NEK11: variants seen among roughly 807,000 people sequenced by gnomAD.
The protein encoded by NEK11 is NIMA related kinase 11.
A neutral mutation model predicts 80.7 loss-of-function variants in NEK11; 72 were observed. The observed-to-expected ratio is 0.89, with a 90% CI of 0.74 to 1.08. NEK11 has a LOEUF of 1.08. Among genes scored for constraint, NEK11 ranks in the 50% least tolerant of loss-of-function variants. The pLI is 0.00. For missense variants in NEK11, 764 were observed against 763.6 expected, an observed-to-expected ratio of 1.00 and a Z score of -0.01; for synonymous variants, 251 against 260.7, an observed-to-expected ratio of 0.96 and a Z score of 0.36.
rs997800586 is a variant in NEK11 at position 131,118,564 on chromosome 3, T to C, written c.455+8643T>C. The stretch of plus-strand genomic sequence containing the variant: ...AAGGAATGATACCAATTCATGTTTG[T>C]ACCTCTGGTAGAATTCGGCTGTGAA... On this transcript the variant is annotated intron_variant, in intron 5 of 17. Transcript: ENST00000383366. Among the ~76,000 whole-genome samples the C allele has an allele frequency of 5.3e-5, 8 of 152,358 alleles. No individual in the cohort carries two copies. The East Asian group carries it at 1.5e-3, about 29-fold the overall frequency.
At chr3:131,139,976 G>A (rs1198914452) in intron 7 of NEK11, among the ~76,000 whole-genome samples, 1 of 152,116 alleles carries the variant, frequency 6.6e-6, no homozygotes, top group African/African-American at 2.4e-5. Context: ...GGAGCATAAG[G>A]TAAAATGTCC....
At chr3:131,298,826 G>A (rs1309715494) in intron 17 of NEK11, among the ~76,000 whole-genome samples, 1 of 150,514 alleles carries the variant, frequency 6.6e-6, no homozygotes, top group East Asian at 1.9e-4. Flanking sequence ...AGGCATTATT[G>A]TTTTAAATAT....
chr3:131,321,649 C>T (rs1334234840), intron 17 of NEK11, among the ~76,000 whole-genome samples: 1 of 151,758 alleles, frequency 6.6e-6, no homozygotes, highest in East Asian at 1.9e-4. Flanking sequence ...AATAATTAAG[C>T]AAAAAACCAA....
Position 131,170,852 on chromosome 3 carries a change from T to C in NEK11, c.1364T>C (p.Ile455Thr), listed in dbSNP as rs1218246960. ...ATGGACCTCCACGAACTTGAATCAA[T>C]TGTAGAGGATGCCACATCTGACCTT... is the stretch of plus-strand genomic sequence containing the variant. ...PSMDLHELES[I>T]VEDATSDLGY... The change falls in exon 14 of 18, where the codon ATT becomes ACT. Residue 455 changes from isoleucine to threonine, a missense_variant. Ile to Thr is a moderately conservative substitution (Grantham distance 89, BLOSUM62 -1). Transcript: ENST00000383366. The C allele has an allele frequency of 2.5e-6, 4 of 1,613,876 alleles. No individual in the cohort carries two copies. Among genetic ancestry groups the C allele is most frequent in the Non-Finnish European group, 2.5e-6 (3 of 1,179,782 alleles).
At chr3:131,292,860 C>T (rs964093501) in intron 17 of NEK11, among the ~76,000 whole-genome samples, 24 of 151,898 alleles carry the variant, frequency 1.6e-4, no homozygotes, top group African/African-American at 4.6e-4. Flanking sequence ...CTGATGTAAA[C>T]GGTATTATGC....
intron 4 of NEK11, among the ~76,000 whole-genome samples, chr3:131,105,380 G>T (rs569620445): frequency 6.6e-6 from 1 of 152,118 alleles, no homozygotes; most frequent in African/African-American, 2.4e-5. Context: ...TAAATAGCAC[G>T]TCTAATCTTA....
chr3:131,345,511 ATGTC>A (rs1032186965), intron 17 of NEK11, among the ~76,000 whole-genome samples: 5 of 152,234 alleles, frequency 3.3e-5, no homozygotes, highest in African/African-American at 4.8e-5. Flanking sequence ...ACCCCTAAGA[ATGTC>A]TGTTATCAAA....
At chr3:131,090,680 T>C (rs1266660362) in intron 4 of NEK11, among the ~76,000 whole-genome samples, 2 of 152,210 alleles carry the variant, frequency 1.3e-5, no homozygotes, top group African/African-American at 4.8e-5. Flanking sequence ...TTCTTTGTTG[T>C]GTCAAATCAT....
intron 17 of NEK11, among the ~76,000 whole-genome samples, chr3:131,344,151 G>C (rs1187530579): frequency 6.6e-6 from 1 of 152,166 alleles, no homozygotes; most frequent in Non-Finnish European, 1.5e-5. Flanking sequence ...TAGGTTGTTA[G>C]AAGCAGCCAG....
At chr3:131,324,515 T>TTATC (rs1295737685) in intron 17 of NEK11, among the ~76,000 whole-genome samples, 1 of 152,214 alleles carries the variant, frequency 6.6e-6, no homozygotes, top group African/African-American at 2.4e-5. Context: ...GAAATCTATT[T>TTATC]TATCTTCTGA....
intron 17 of NEK11, among the ~76,000 whole-genome samples, chr3:131,309,492 C>T (rs2096755770): frequency 6.6e-6 from 1 of 152,152 alleles, no homozygotes; most frequent in African/African-American, 2.4e-5. Flanking sequence ...CTTGCAGTAG[C>T]TCAGGAAGAT....
At position 131,285,777 on chromosome 3, in the gene NEK11, G is replaced by A. The variant is rs566696818; in HGVS notation, c.1718+12203G>A. ...TTCTAAATAAATAATTTCTGTGTGT[G>A]CACGCATGTCTGTGCCAGCTGATGC... On this transcript the variant is annotated intron_variant, in intron 17 of 17. Coordinates refer to ENST00000383366, the MANE Select transcript of NEK11 (RefSeq NM_024800.5). Among the ~76,000 whole-genome samples, 5 of 152,280 alleles carry A rather than the reference G, an allele frequency of 3.3e-5. No homozygotes were observed. In the East Asian group the frequency reaches 9.7e-4, roughly 29 times the overall value.
At chr3:131,124,838 T>C (rs1366798269) in intron 5 of NEK11, among the ~76,000 whole-genome samples, 1 of 152,202 alleles carries the variant, frequency 6.6e-6, no homozygotes, top group Non-Finnish European at 1.5e-5. Context: ...TATGTGAGAA[T>C]AGTGGTTTAT....
intron 4 of NEK11, among the ~76,000 whole-genome samples, chr3:131,108,348 A>G (rs1027715231): frequency 2.0e-5 from 3 of 152,130 alleles, no homozygotes; most frequent in Non-Finnish European, 4.4e-5. Context: ...GTCTATGACT[A>G]GCTTATTTTT....
At chr3:131,078,650 AT>A (rs1330722967) in intron 3 of NEK11, among the ~76,000 whole-genome samples, 1 of 152,168 alleles carries the variant, frequency 6.6e-6, no homozygotes, top group Non-Finnish European at 1.5e-5. Flanking sequence ...GCTTGTTTGA[AT>A]TACTGAGAAG....
intron 4 of NEK11, among the ~76,000 whole-genome samples, chr3:131,100,930 T>C (rs1315723744): frequency 6.6e-6 from 1 of 152,180 alleles, no homozygotes; most frequent in Non-Finnish European, 1.5e-5. Context: ...AGTATTGGTC[T>C]ATTCAGAGTT....
At chr3:131,308,065 A>G (rs2096740319) in intron 17 of NEK11, among the ~76,000 whole-genome samples, 1 of 152,270 alleles carries the variant, frequency 6.6e-6, no homozygotes, top group South Asian at 2.1e-4. Flanking sequence ...AAATGACAGG[A>G]ATGCCCTTGG....
At chr3:131,132,659 C>A in intron 5 of NEK11, 86 bp from the exon 6 acceptor site, 1 of 684,986 alleles carries the variant, frequency 1.5e-6, no homozygotes, top group Non-Finnish European at 2.5e-6. Context: ...ATGTGTAAAT[C>A]ATGTGCAACA....
At chr3:131,258,419 A>C (rs963721562) in intron 16 of NEK11, among the ~76,000 whole-genome samples, 1 of 152,212 alleles carries the variant, frequency 6.6e-6, no homozygotes, top group East Asian at 1.9e-4. Flanking sequence ...TCAACCTCCT[A>C]TTACAGAAAA....
Sources: gnomAD v4.1 joint callset for allele counts (sites outside exome capture counted in the v4.1 genomes callset) on GRCh38, gnomAD v4.1.1 for gene constraint, MANE v1.5 for transcripts, NCBI Gene and HGNC (gene_info 2026-07-23, HGNC 2026-07-21) for gene names.